GYG2: variants seen among roughly 807,000 people sequenced by gnomAD.
The protein encoded by GYG2 is glycogenin-2.
A neutral mutation model predicts 29.4 loss-of-function variants in GYG2; 29 were observed. The ratio of observed to expected loss-of-function variants is 0.99; its 90% CI spans 0.74 to 1.35. The LOEUF is 1.35. Ranked by LOEUF, GYG2 falls within the 40% of genes most tolerant of loss-of-function variation. The probability of loss-of-function intolerance (pLI) is 0.00; values close to 1 mark genes in which losing one functional copy is unlikely to be tolerated. For synonymous variants in GYG2, 167 were observed against 172.3 expected (o/e 0.97, Z 0.24); for missense variants, 370 against 385.7 (o/e 0.96, Z 0.34).
intron 2 of GYG2, among the ~76,000 whole-genome samples, chrX:2,837,321 G>A (rs1166369945): frequency 1.8e-5 from 2 of 112,190 alleles, no homozygotes; most frequent in Non-Finnish European, 3.8e-5. Flanking sequence ...TGGGGTATAG[G>A]AGTTGGCACG....
At chrX:2,844,470 ATGCATATATATGTGTATATGCACGCGTG>A (rs2087577235) in intron 3 of GYG2, among the ~76,000 whole-genome samples, 2 of 110,289 alleles carry the variant, frequency 1.8e-5, no homozygotes, top group Non-Finnish European at 3.8e-5. Flanking sequence ...ACACACACGT[ATGCATATATATGTGTATATGCACGCGTG>A]TGCGTATATA....
intron 9 of GYG2, among the ~76,000 whole-genome samples, chrX:2,876,821 C>T (rs376690593): frequency 3.6e-5 from 4 of 109,800 alleles, no homozygotes; most frequent in Non-Finnish European, 5.7e-5. Flanking sequence ...TGGTGGTGGG[C>T]GCCTGTAGTC....
intron 7 of GYG2, 53 bp downstream of exon 7, chrX:2,860,118 T>A: frequency 1.3e-6 from 1 of 793,851 alleles, no homozygotes; most frequent in African/African-American, 2.0e-5. Context: ...AGAACATCCT[T>A]GTCACCAAGG....
intron 8 of GYG2, among the ~76,000 whole-genome samples, chrX:2,870,159 T>C (rs2088427879): frequency 9.1e-6 from 1 of 110,330 alleles, no homozygotes; most frequent in African/African-American, 3.3e-5. Context: ...TCTTATTTTA[T>C]TCATAATACA....
Position 2,877,257 on chromosome X carries a change from G to A in GYG2, c.1201G>A (p.Glu401Lys). Reference sequence around the variant, plus strand: ...CGAGGAAACCTTCGAACCAAGCCAGGAACTCCCTGCTGAGGCTCTCAGGGA... The same window carrying A: ...CGAGGAAACCTTCGAACCAAGCCAGAAACTCCCTGCTGAGGCTCTCAGGGA... ...SSEETFEPSQ[E>K]LPAEALRDPS... The change falls in exon 10 of 11, where the codon GAA becomes AAA. Residue 401 changes from glutamate (E) to lysine (K), a missense_variant. By Grantham distance (56) the Glu-to-Lys change is moderately conservative (BLOSUM62 1). Coordinates refer to ENST00000398806, the MANE Select transcript of GYG2 (RefSeq NM_001079855.2). 1 of 1,210,584 alleles carries A rather than the reference G, an allele frequency of 8.3e-7. No homozygotes were observed. The highest frequency in any genetic ancestry group is 1.1e-6 in the Non-Finnish European group (1 of 894,884).
chrX:2,856,823 C>T (rs944914250), intron 6 of GYG2, among the ~76,000 whole-genome samples, 199 bp downstream of exon 6: 4 of 99,615 alleles, frequency 4.0e-5, no homozygotes, highest in African/African-American at 1.5e-4. Flanking sequence ...TCACCTCTAT[C>T]TAGGTAGATC....
intron 8 of GYG2, among the ~76,000 whole-genome samples, chrX:2,871,714 AAATAAATAAATAAATAAAT>A (rs1171327592): frequency 9.4e-6 from 1 of 106,678 alleles, no homozygotes; most frequent in East Asian, 2.9e-4. Context: ...ATAAATAAAT[AAATAAATAAATAAATAAAT>A]AAAATTCTAT....
chrX:2,851,024 T>A (rs1180762982), intron 3 of GYG2, among the ~76,000 whole-genome samples: 2 of 111,725 alleles, frequency 1.8e-5, no homozygotes, highest in Non-Finnish European at 3.8e-5. Flanking sequence ...AATATAACCG[T>A]GATCATAATA....
Position 2,845,672 on chromosome X carries a change from T to C in GYG2, c.149+2318T>C, listed in dbSNP as rs766215241. On this transcript the variant is annotated intron_variant, in intron 3 of 10. Coordinates refer to ENST00000398806, the MANE Select transcript of GYG2 (RefSeq NM_001079855.2). ...ATGTGTATGTACATACATTTATATA[T>C]GCATGTGTATGTACATACATTTATT... is the stretch of plus-strand genomic sequence containing the variant. 2.1e-3 allele frequency among the ~76,000 whole-genome samples: 223 copies of C among 106,184 alleles called. 1 individual carries two copies. The highest frequency in any genetic ancestry group is 7.3e-3 in the African/African-American group (214 of 29,260). The allele number at this position is 106,184 out of a possible 115,157, so 92.2% of individuals were successfully genotyped here.
At chrX:2,854,406 A>G (rs761076734) in intron 4 of GYG2, among the ~76,000 whole-genome samples, 3 of 112,178 alleles carry the variant, frequency 2.7e-5, no homozygotes, top group Non-Finnish European at 5.6e-5. Flanking sequence ...ATTTCTGTAC[A>G]GACTGGGTTT....
intron 10 of GYG2, 125 bp downstream of exon 10, chrX:2,877,432 G>A (rs1177840690): frequency 7.3e-6 from 8 of 1,092,426 alleles, no homozygotes; most frequent in Admixed American, 3.4e-5. Context: ...AATAAGAATC[G>A]GCTTCCCTCT....
chrX:2,857,110 C>T (rs779721168), intron 6 of GYG2, among the ~76,000 whole-genome samples: 1 of 107,775 alleles, frequency 9.3e-6, no homozygotes, highest in East Asian at 3.0e-4. Context: ...TATCTATATA[C>T]ATTGATCTAT....
rs766182302 is a variant in GYG2, at chrX:2,875,876, C to CAA, written c.1105_1106insAA (p.Pro369GlnfsTer66). On this transcript the variant is annotated frameshift_variant, in exon 9 of 11. Transcript: ENST00000398806. LOFTEE classifies it high-confidence loss of function. ...GTGTGACCCACTGTCCCAGCCTTCCCCTCAGCCTGCAGACTTCACAGAGAC... is the reference window on the plus strand; with the variant it reads ...GTGTGACCCACTGTCCCAGCCTTCCCAACTCAGCCTGCAGACTTCACAGAGAC... 8.4e-7 allele frequency: 1 copy of CAA among 1,187,316 alleles called. No homozygotes were observed. The highest frequency in any genetic ancestry group is 1.1e-6 in the Non-Finnish European group (1 of 873,909).
chrX:2,854,987 C>T lies in GYG2; in HGVS notation c.325-6C>T, dbSNP rs752037169. 11 of 1,204,754 alleles carry T rather than the reference C, an allele frequency of 9.1e-6. No individual in the cohort carries two copies. In the East Asian group the frequency reaches 2.7e-4, roughly 29 times the overall value. On this transcript the variant is annotated splice_polypyrimidine_tract_variant and splice_region_variant and intron_variant, in intron 4 of 10. Transcript: ENST00000398806. Reference sequence around the variant, plus strand: ...GCGGCGGGTTCTGCGTGTTTTGCTTCACCAGGTGCTGTCCAATGTCGATGA... The same window carrying T: ...GCGGCGGGTTCTGCGTGTTTTGCTTTACCAGGTGCTGTCCAATGTCGATGA...
At position 2,861,544 on chromosome X, in the gene GYG2, G is replaced by T. The variant is rs746657576; in HGVS notation, c.860G>T (p.Gly287Val). Residue 287 changes from glycine to valine, a missense_variant, in exon 8 of 11, where the codon GGG (glycine) becomes GTG (valine). Coordinates refer to ENST00000398806, the MANE Select transcript of GYG2 (RefSeq NM_001079855.2). ...CAGCTTTGCCACAGTGATGTGGGGG[G>T]GCCGTGTGCGGATTCAGCCTCTGGT... ...GHTLCHSDVG[G>V]PCADSASGVG... 8.3e-7 allele frequency: 1 copy of T among 1,207,563 alleles called. No individual in the cohort carries two copies. Among genetic ancestry groups the T allele is most frequent in the Non-Finnish European group, 1.1e-6 (1 of 893,008 alleles).
At chrX:2,853,949 T>C (rs765617489) in intron 3 of GYG2, 31 bp from the exon 4 acceptor site, 6 of 1,095,822 alleles carry the variant, frequency 5.5e-6, no homozygotes, top group Non-Finnish European at 7.6e-6. Flanking sequence ...ATTCACCCGC[T>C]GTCCCACTAT....
At chrX:2,841,248 GAT>G (rs771962610) in intron 2 of GYG2, among the ~76,000 whole-genome samples, 1 of 110,291 alleles carries the variant, frequency 9.1e-6, no homozygotes, top group African/African-American at 3.3e-5. Context: ...ATGATAGTAA[GAT>G]AGATAATAAA....
intron 6 of GYG2, among the ~76,000 whole-genome samples, chrX:2,859,250 ATAT>A (rs1198265292): frequency 3.0e-5 from 3 of 98,383 alleles, no homozygotes; most frequent in African/African-American, 3.5e-5. Flanking sequence ...TAGTACTAGT[ATAT>A]TATTATTGAT....
chrX:2,873,512 TCTC>T lies in GYG2; in HGVS notation c.1039-2282_1039-2280del, dbSNP rs757625200. On this transcript the variant is annotated intron_variant, in intron 8 of 10. Coordinates refer to ENST00000398806, the MANE Select transcript of GYG2 (RefSeq NM_001079855.2). ...TCATCACCTCGCATAAATGCTGTTT[TCTC>T]CTCCTCCTCCTCCTCTTCCTCCTCT... is the stretch of plus-strand genomic sequence containing the variant. Among the ~76,000 whole-genome samples the T allele has an allele frequency of 6.9e-3, 761 of 110,252 alleles. 5 individuals carry two copies. The highest frequency in any genetic ancestry group is 0.011 in the Non-Finnish European group (599 of 52,749).
Sources: allele counts gnomAD v4.1 joint callset (sites outside exome capture counted in the v4.1 genomes callset), GRCh38; gene constraint gnomAD v4.1.1; transcripts MANE v1.5; gene names NCBI Gene and HGNC (gene_info 2026-07-23, HGNC 2026-07-21).